Variants in BRD8 observed in about 807,000 individuals in gnomAD.
BRD8 encodes the protein bromodomain containing 8, also known as bromodomain-containing protein 8.
Under a neutral mutation model 143.1 loss-of-function variants are expected in BRD8, and 67 were observed. That is an observed-to-expected ratio of 0.47 (90% CI 0.38 to 0.57). BRD8 has a LOEUF of 0.57. Ranked by LOEUF, BRD8 falls within the 20% of genes least tolerant of loss-of-function variation. BRD8 has a pLI of 0.00. For missense variants in BRD8, 1,103 were observed against 1,503.0 expected, an observed-to-expected ratio of 0.73 and a Z score of 4.40; for synonymous variants, 505 against 517.1, an observed-to-expected ratio of 0.98 and a Z score of 0.32.
At chr5:138,158,075 TA>T (rs1561605185) in intron 20 of BRD8, among the ~76,000 whole-genome samples, 1 of 152,162 alleles carries the variant, frequency 6.6e-6, no homozygotes, top group Non-Finnish European at 1.5e-5. Flanking sequence ...ACAGTGAAAA[TA>T]AAAAGGTGGT....
intron 18 of BRD8, among the ~76,000 whole-genome samples, chr5:138,160,380 A>G (rs991287404): frequency 2.6e-5 from 4 of 152,114 alleles, no homozygotes; most frequent in Non-Finnish European, 5.9e-5. Flanking sequence ...TTTTTTTGCT[A>G]TAACATAGGA....
At chr5:138,154,826 A>G (rs973969898) in intron 20 of BRD8, among the ~76,000 whole-genome samples, 5 of 150,986 alleles carry the variant, frequency 3.3e-5, no homozygotes, top group African/African-American at 1.2e-4. Context: ...TAAAAAGTTC[A>G]TAACTTTTTT....
At chr5:138,165,287 T>A in intron 11 of BRD8, 121 bp from the exon 12 acceptor site, 1 of 1,091,864 alleles carries the variant, frequency 9.2e-7, no homozygotes, top group Non-Finnish European at 1.3e-6. Flanking sequence ...TTCCATGTAG[T>A]GGAGGCAAAC....
intron 3 of BRD8, 111 bp downstream of exon 3, chr5:138,171,954 A>AT (rs1753896995): frequency 1.2e-6 from 1 of 823,778 alleles, no homozygotes; most frequent in African/African-American, 1.7e-5. Flanking sequence ...ATTCTCAACT[A>AT]TTTTCCCACA....
chr5:138,173,501 G>A (rs576784107), intron 2 of BRD8, among the ~76,000 whole-genome samples: 1 of 152,042 alleles, frequency 6.6e-6, no homozygotes, highest in East Asian at 1.9e-4. Flanking sequence ...GTTTAAAAAT[G>A]AGCTCAATTT....
rs778759641 is a variant in BRD8, at chr5:138,163,688, T to C, written c.1873-344A>G. The C allele has an allele frequency of 5.5e-5, 70 of 1,282,992 alleles. No homozygotes were observed. The South Asian group carries it at 6.7e-4, about 12-fold the overall frequency. The allele number at this position is 1,282,992 out of a possible 1,614,324, so 79.5% of individuals were successfully genotyped here. A position where few individuals can be genotyped will look rare whatever the true frequency, so the allele number is the denominator to read the frequency against. ...AAATAATTTTTATTTTGTGTCTCATTTGATGGAGCAAGCTCACATCACATT... is the reference window on the plus strand; with the variant it reads ...AAATAATTTTTATTTTGTGTCTCATCTGATGGAGCAAGCTCACATCACATT... On this transcript the variant is annotated intron_variant, in intron 14 of 26. Transcript: ENST00000254900.
intron 18 of BRD8, among the ~76,000 whole-genome samples, chr5:138,160,385 A>G (rs1752916146): frequency 6.6e-6 from 1 of 152,198 alleles, no homozygotes; most frequent in Non-Finnish European, 1.5e-5. Context: ...TTGCTATAAC[A>G]TAGGATCAAA....
Position 138,162,002 on chromosome 5 carries a change from A to C in BRD8, c.2180+52T>G, listed in dbSNP as rs370848314. ...CTACTCAGACTTTTTTCCAGTCACCAACAATGAAGAGTAGGAGAAAATGAA... is the reference window on the plus strand; with the variant it reads ...CTACTCAGACTTTTTTCCAGTCACCCACAATGAAGAGTAGGAGAAAATGAA... On this transcript the variant is annotated intron_variant, in intron 16 of 26. Coordinates refer to ENST00000254900, the MANE Select transcript of BRD8 (RefSeq NM_139199.2). The C allele has an allele frequency of 2.7e-5, 42 of 1,583,552 alleles. No individual in the cohort carries two copies. Among genetic ancestry groups the C allele is most frequent in the Non-Finnish European group, 3.5e-5 (41 of 1,156,652 alleles).
intron 25 of BRD8, 79 bp downstream of exon 25, chr5:138,145,098 T>TA: frequency 7.1e-7 from 1 of 1,406,734 alleles, no homozygotes; most frequent in South Asian, 1.2e-5. Context: ...GTTATAAAAA[T>TA]AATCTAACAG....
intron 23 of BRD8, among the ~76,000 whole-genome samples, chr5:138,148,161 AAAAAAAAAAAAAAAAG>A (rs1183179413): frequency 4.4e-5 from 5 of 113,078 alleles, no homozygotes; most frequent in African/African-American, 1.4e-4. Flanking sequence ...ATGAGCTGGA[AAAAAAAAAAAAAAAAG>A]AAAAAAAAAA....
At chr5:138,170,525 A>C (rs1381345192) in intron 6 of BRD8, 116 bp from the exon 7 acceptor site, 3 of 1,097,478 alleles carry the variant, frequency 2.7e-6, no homozygotes, top group South Asian at 2.5e-5. Flanking sequence ...AGAAAGGCCT[A>C]AACAGGAATT....
At chr5:138,158,393 T>C (rs1281616598) in intron 20 of BRD8, among the ~76,000 whole-genome samples, 1 of 152,138 alleles carries the variant, frequency 6.6e-6, no homozygotes, top group Non-Finnish European at 1.5e-5. Context: ...CTCCTAAGCT[T>C]ATCTGTAATT....
chr5:138,176,886 A>C (rs1581469080), intron 2 of BRD8, among the ~76,000 whole-genome samples: 1 of 151,770 alleles, frequency 6.6e-6, no homozygotes, highest in Admixed American at 6.6e-5. Context: ...GGAGTTCGAG[A>C]CCAGCCTAGG....
intron 4 of BRD8, 30 bp from the exon 5 acceptor site, chr5:138,171,190 A>C (rs1753837894): frequency 6.3e-7 from 1 of 1,592,146 alleles, no homozygotes; most frequent in Admixed American, 1.8e-5. Flanking sequence ...AAAAATTCAT[A>C]TTCAAATAAC....
intron 20 of BRD8, among the ~76,000 whole-genome samples, chr5:138,158,600 G>A (rs570273679): frequency 3.4e-4 from 52 of 151,126 alleles, no homozygotes; most frequent in East Asian, 2.9e-3. Flanking sequence ...CACCACACCC[G>A]GCTAATTTTT....
intron 22 of BRD8, 131 bp downstream of exon 22, chr5:138,150,614 A>C: frequency 9.5e-7 from 1 of 1,056,504 alleles, no homozygotes; most frequent in East Asian, 2.4e-5. Context: ...CACAGCTAAA[A>C]CTGGTGCTAA....
chr5:138,153,048 C>G (rs1360792173), intron 20 of BRD8, among the ~76,000 whole-genome samples: 2 of 152,084 alleles, frequency 1.3e-5, no homozygotes, highest in Non-Finnish European at 2.9e-5. Flanking sequence ...CTTGGAATTC[C>G]TCATATTCAC....
intron 14 of BRD8, 133 bp downstream of exon 14, chr5:138,163,954 C>T: frequency 9.1e-7 from 1 of 1,094,422 alleles, no homozygotes; most frequent in African/African-American, 1.6e-5. Flanking sequence ...TCTACTGCAG[C>T]TTTTCCCCAT....
At chr5:138,176,198 A>G (rs1161622523) in intron 2 of BRD8, among the ~76,000 whole-genome samples, 1 of 152,158 alleles carries the variant, frequency 6.6e-6, no homozygotes, top group African/African-American at 2.4e-5. Flanking sequence ...AATGAACCTT[A>G]AAAAGTGTTA....
Sources: allele counts gnomAD v4.1 joint callset (sites outside exome capture counted in the v4.1 genomes callset), GRCh38; gene constraint gnomAD v4.1.1; transcripts MANE v1.5; gene names NCBI Gene and HGNC (gene_info 2026-07-23, HGNC 2026-07-21).